The following NEBL variants were observed in gnomAD, a reference collection of about 807,000 sequenced individuals.
The protein encoded by NEBL is LIM and SH3 protein 2.
NEBL carries 122 observed loss-of-function variants against 140.2 expected under a neutral mutation model. The observed-to-expected ratio is 0.87, with a 90% confidence interval of 0.75 to 1.01. The LOEUF (loss-of-function observed/expected upper bound fraction) is 1.01, where lower values mean the gene tolerates loss of function less well. Ranked by LOEUF, NEBL falls within the 50% of genes least tolerant of loss-of-function variation. The probability of loss-of-function intolerance (pLI) is 0.00; values close to 1 mark genes in which losing one functional copy is unlikely to be tolerated. For missense variants in NEBL, 1,365 were observed against 1,231.3 expected (o/e 1.11, Z -1.62); for synonymous variants, 436 against 398.9 (o/e 1.09, Z -1.11).
At chr10:21,247,359 T>A (rs978049039) in intron 3 of NEBL, among the ~76,000 whole-genome samples, 3 of 152,276 alleles carry the variant, frequency 2.0e-5, no homozygotes, top group African/African-American at 7.2e-5. Context: ...CTCAAAAGAT[T>A]ATTTACTGTA....
intron 2 of NEBL, among the ~76,000 whole-genome samples, chr10:21,086,289 G>A (rs1376536901): frequency 6.6e-6 from 1 of 152,198 alleles, no homozygotes; most frequent in Non-Finnish European, 1.5e-5. Context: ...TGTGTAAGGA[G>A]AAATCAATGA....
At chr10:20,834,864 C>A (rs1486294807) in intron 14 of NEBL, among the ~76,000 whole-genome samples, 1 of 152,158 alleles carries the variant, frequency 6.6e-6, no homozygotes, top group African/African-American at 2.4e-5. Flanking sequence ...TGCATATGGT[C>A]TGACTCCTAC....
At chr10:21,164,949 G>C (rs376204920) in intron 2 of NEBL, among the ~76,000 whole-genome samples, 1 of 152,372 alleles carries the variant, frequency 6.6e-6, no homozygotes, top group East Asian at 1.9e-4. Flanking sequence ...GCACATTGCA[G>C]TGGATGCTAA....
chr10:21,076,678 C>A (rs1361765049), intron 2 of NEBL, among the ~76,000 whole-genome samples: 1 of 152,044 alleles, frequency 6.6e-6, no homozygotes, highest in East Asian at 1.9e-4. Context: ...TACTATTCAA[C>A]CTTAAAAAGG....
chr10:21,126,269 T>C, intron 2 of NEBL: 1 of 723,036 alleles, frequency 1.4e-6, no homozygotes. Flanking sequence ...ACTTCTTTTG[T>C]AAGCCTCATT....
At chr10:20,999,679 G>C (rs780233753) in intron 3 of NEBL, among the ~76,000 whole-genome samples, 2 of 151,978 alleles carry the variant, frequency 1.3e-5, no homozygotes, top group African/African-American at 2.4e-5. Flanking sequence ...GGTTGTAAAA[G>C]CCAAAGCATT....
At chr10:21,086,007 T>C (rs566144530) in intron 2 of NEBL, among the ~76,000 whole-genome samples, 24 of 152,260 alleles carry the variant, frequency 1.6e-4, no homozygotes, top group Non-Finnish European at 3.1e-4. Context: ...GTCTTCACAG[T>C]ACTTCTTTGA....
chr10:20,943,818 G>T (rs766630612), intron 4 of NEBL, among the ~76,000 whole-genome samples: 2 of 152,130 alleles, frequency 1.3e-5, no homozygotes, highest in Non-Finnish European at 2.9e-5. Flanking sequence ...AAGAGTCAAA[G>T]GTAAATGGCC....
chr10:21,244,566 C>T (rs561673755), intron 3 of NEBL, among the ~76,000 whole-genome samples: 4 of 151,610 alleles, frequency 2.6e-5, no homozygotes, highest in South Asian at 2.1e-4. Context: ...ACAGGAGAAT[C>T]GCTTGAACCT....
rs1835155769 is a variant in NEBL, at chr10:20,783,394, A to G, written c.*2353T>C. On this transcript the variant is annotated 3_prime_UTR_variant, in exon 28 of 28. Transcript: ENST00000377122. ...AATTCTGATCAGATCTTAATTCCTA[A>G]AGGCTTGAAGCAGAAATATTTTGCT... is the stretch of plus-strand genomic sequence containing the variant. The G allele has an allele frequency of 6.6e-6, 1 of 152,182 alleles. No homozygotes were observed. Among genetic ancestry groups the G allele is most frequent in the Non-Finnish European group, 1.5e-5 (1 of 68,022 alleles). 9.4% of individuals were successfully genotyped at this position (152,182 alleles called of 1,614,324 possible).
At chr10:20,843,177 C>T (rs1841554572) in intron 12 of NEBL, among the ~76,000 whole-genome samples, 1 of 152,024 alleles carries the variant, frequency 6.6e-6, no homozygotes, top group Admixed American at 6.6e-5. Flanking sequence ...GGAAAAGCAC[C>T]ACAGTTCTAT....
In NEBL at chr10:21,234,724, A is replaced by G. The variant is rs912113155; in HGVS notation, n.348+13197T>C. Among the ~76,000 whole-genome samples the G allele has an allele frequency of 2.0e-5, 3 of 152,290 alleles. No homozygotes were observed. The South Asian group carries it at 6.2e-4, about 32-fold the overall frequency. ...GGATCAGAAATCTGGCTTCCTAAACAGAGACCAAATCAGCTTTAATGTCTG... is the reference window on the plus strand; with the variant it reads ...GGATCAGAAATCTGGCTTCCTAAACGGAGACCAAATCAGCTTTAATGTCTG... On this transcript the variant is annotated intron_variant and non_coding_transcript_variant, in intron 3 of 8. Coordinates refer to the NEBL transcript ENST00000675702.
chr10:21,096,328 C>T (rs917561052), intron 2 of NEBL, among the ~76,000 whole-genome samples: 37 of 152,046 alleles, frequency 2.4e-4, no homozygotes, highest in African/African-American at 8.9e-4. Context: ...GAATATAAAC[C>T]ATAATACAAT....
chr10:21,053,631 A>G (rs1231029695), intron 2 of NEBL, among the ~76,000 whole-genome samples: 2 of 152,156 alleles, frequency 1.3e-5, no homozygotes, highest in African/African-American at 4.8e-5. Flanking sequence ...AATCCCCAAG[A>G]AGTTATGAAA....
At position 21,118,287 on chromosome 10, in the gene NEBL, T is replaced by C. The variant is rs551771008; in HGVS notation, c.164+54096A>G. The stretch of plus-strand genomic sequence containing the variant: ...CAACATGGTTTTCTTCCAGTCAGGA[T>C]CAAAGTGTCACCATTTTACAGATAT... On this transcript the variant is annotated intron_variant, in intron 2 of 6. Coordinates refer to the NEBL transcript ENST00000417816. 2.7e-4 allele frequency among the ~76,000 whole-genome samples: 41 copies of C among 152,318 alleles called. 1 individual carries two copies. Among genetic ancestry groups the C allele is most frequent in the Admixed American group, 2.4e-3 (37 of 15,292 alleles).
intron 3 of NEBL, among the ~76,000 whole-genome samples, chr10:21,185,073 C>T (rs1303832727): frequency 6.6e-6 from 1 of 152,224 alleles, no homozygotes; most frequent in Non-Finnish European, 1.5e-5. Context: ...ATTCAACAAC[C>T]ATTAAAGATG....
intron 3 of NEBL, among the ~76,000 whole-genome samples, chr10:21,202,202 T>C (rs1841748536): frequency 6.6e-6 from 1 of 152,194 alleles, no homozygotes; most frequent in Admixed American, 6.5e-5. Context: ...TGTGAATAGA[T>C]GTGAACAGCA....
At chr10:21,090,744 T>A (rs1162347473) in intron 2 of NEBL, among the ~76,000 whole-genome samples, 2 of 152,158 alleles carry the variant, frequency 1.3e-5, no homozygotes, top group Non-Finnish European at 2.9e-5. Flanking sequence ...CCTGGTTTTG[T>A]CATTAGCCAG....
At chr10:21,068,901 T>C (rs1428369258) in intron 2 of NEBL, among the ~76,000 whole-genome samples, 1 of 152,198 alleles carries the variant, frequency 6.6e-6, no homozygotes, top group Non-Finnish European at 1.5e-5. Context: ...GTTGTTGTTG[T>C]TTAAGACTGA....
Sources: gnomAD v4.1 joint callset for allele counts (sites outside exome capture counted in the v4.1 genomes callset) on GRCh38, gnomAD v4.1.1 for gene constraint, MANE v1.5 for transcripts, NCBI Gene and HGNC (gene_info 2026-07-23, HGNC 2026-07-21) for gene names.